Variants in CLIC5 observed in about 807,000 individuals in gnomAD.
The protein encoded by CLIC5 is chloride intracellular channel protein 5.
Under a neutral mutation model 24.7 loss-of-function variants are expected in CLIC5, and 20 were observed. The ratio of observed to expected loss-of-function variants is 0.81; its 90% confidence interval spans 0.57 to 1.18. The LOEUF is 1.18. CLIC5 is among the 50% of genes most tolerant of loss of function. CLIC5 has a pLI of 0.00. For missense variants in CLIC5, 341 were observed against 326.1 expected (o/e 1.05, Z -0.35); for synonymous variants, 159 against 135.6 (o/e 1.17, Z -1.20).
chr6:45,921,858 C>T (rs1408604469), intron 4 of CLIC5, among the ~76,000 whole-genome samples: 1 of 152,170 alleles, frequency 6.6e-6, no homozygotes, highest in Non-Finnish European at 1.5e-5. Flanking sequence ...TTCATGTCCA[C>T]CTTTGGCACT....
At chr6:46,026,395 C>T (rs577696341) in intron 1 of CLIC5, among the ~76,000 whole-genome samples, 25 of 152,214 alleles carry the variant, frequency 1.6e-4, no homozygotes, top group Admixed American at 1.6e-3. Flanking sequence ...CCTAGTGAGG[C>T]AGACACAGAG....
upstream of CLIC5, among the ~76,000 whole-genome samples, chr6:46,084,304 T>C (rs1215209420): frequency 1.3e-5 from 2 of 152,168 alleles, no homozygotes; most frequent in African/African-American, 2.4e-5. Context: ...ATGTGTGAAT[T>C]TGATCCTGTC....
At chr6:45,946,480 A>G (rs1166452893) in intron 3 of CLIC5, among the ~76,000 whole-genome samples, 1 of 152,238 alleles carries the variant, frequency 6.6e-6, no homozygotes, top group African/African-American at 2.4e-5. Context: ...AAAGCCTCCC[A>G]TAATGTGTTG....
intron 4 of CLIC5, among the ~76,000 whole-genome samples, chr6:45,922,273 G>A (rs931933953): frequency 2.6e-5 from 4 of 152,158 alleles, no homozygotes; most frequent in African/African-American, 9.7e-5. Flanking sequence ...TACAATTATG[G>A]TGGGTTGGGA....
At chr6:45,974,520 TATAGAG>T (rs1441960225) in intron 1 of CLIC5, among the ~76,000 whole-genome samples, 629 of 66,820 alleles carry the variant, frequency 9.4e-3, no homozygotes, top group South Asian at 0.021. Flanking sequence ...TATATATATA[TATAGAG>T]AGAGAGAGAG....
chr6:46,020,006 T>C (rs904909300), upstream of CLIC5, among the ~76,000 whole-genome samples: 13 of 151,992 alleles, frequency 8.6e-5, no homozygotes, highest in Non-Finnish European at 1.8e-4. Flanking sequence ...TGGTAATTTA[T>C]AGCACAAGTA....
intron 4 of CLIC5, among the ~76,000 whole-genome samples, chr6:45,916,076 C>A (rs1265850150): frequency 6.6e-6 from 1 of 152,198 alleles, no homozygotes; most frequent in Non-Finnish European, 1.5e-5. Flanking sequence ...CTCTCATAAC[C>A]CACTTTTTGT....
intron 1 of CLIC5, among the ~76,000 whole-genome samples, chr6:46,040,526 G>A (rs1767777990): frequency 6.6e-6 from 1 of 152,014 alleles, no homozygotes. Flanking sequence ...GAATGATGAT[G>A]GTGATGTGGT....
chr6:45,950,670 A>G (rs1464735777), intron 2 of CLIC5, among the ~76,000 whole-genome samples: 2 of 152,158 alleles, frequency 1.3e-5, no homozygotes, highest in African/African-American at 4.8e-5. Context: ...AATTGGTAAA[A>G]ACTTCAATCC....
chr6:45,894,303 A>G (rs1238737044), downstream of CLIC5, among the ~76,000 whole-genome samples: 2 of 152,212 alleles, frequency 1.3e-5, no homozygotes, highest in Non-Finnish European at 2.9e-5. Context: ...AGAGCCTTAC[A>G]ATAGGTGCGC....
At chr6:46,127,430 A>G in the CLIC5 span, among the ~76,000 whole-genome samples, 13 of 152,332 alleles carry the variant, frequency 8.5e-5, no homozygotes, top group East Asian at 2.5e-3. Flanking sequence ...TCTCTAACAT[A>G]AAATGGGTTT....
intron 1 of CLIC5, among the ~76,000 whole-genome samples, chr6:46,078,685 T>C (rs998322827): frequency 5.3e-5 from 8 of 152,220 alleles, no homozygotes; most frequent in African/African-American, 1.9e-4. Context: ...AATGTGTGTC[T>C]GGTATGTATG....
intron 1 of CLIC5, among the ~76,000 whole-genome samples, chr6:45,974,934 A>G (rs1446925926): frequency 6.6e-6 from 1 of 152,180 alleles, no homozygotes; most frequent in Non-Finnish European, 1.5e-5. Flanking sequence ...TTTGCCTCAA[A>G]GTGAATTTCC....
At chr6:45,973,080 A>T (rs1765255933) in intron 1 of CLIC5, among the ~76,000 whole-genome samples, 2 of 152,172 alleles carry the variant, frequency 1.3e-5, no homozygotes, top group Admixed American at 1.3e-4. Flanking sequence ...TAAATTATTT[A>T]TTGAAATTCC....
At chr6:46,047,289 G>T (rs893333382) in intron 1 of CLIC5, among the ~76,000 whole-genome samples, 33 of 152,150 alleles carry the variant, frequency 2.2e-4, no homozygotes, top group African/African-American at 8.0e-4. Flanking sequence ...TTACATTATT[G>T]TTAACCATCA....
At chr6:46,056,373 A>G (rs1192621220) in intron 1 of CLIC5, among the ~76,000 whole-genome samples, 1 of 152,180 alleles carries the variant, frequency 6.6e-6, no homozygotes, top group Non-Finnish European at 1.5e-5. Context: ...CCCTCCTTGC[A>G]GAGGCAGCCC....
rs1766979579 is a variant in CLIC5, at chr6:46,015,715, G to A, written c.-173C>T. On this transcript the variant is annotated 5_prime_UTR_variant, in exon 1 of 6. Transcript: ENST00000339561. ...CCGAGCAGCGGGGTCTGAGAGATCA[G>A]TGTCCCAGATGCTCACATGAAAAGG... 1 of 1,266,888 alleles carries A rather than the reference G, an allele frequency of 7.9e-7. No homozygotes were observed. The highest frequency in any genetic ancestry group is 1.0e-6 in the Non-Finnish European group (1 of 1,004,812). The allele number at this position is 1,266,888 out of a possible 1,614,324, so 78.5% of individuals were successfully genotyped here.
chr6:46,009,461 G>A (rs551267351), intron 1 of CLIC5, among the ~76,000 whole-genome samples: 1 of 152,128 alleles, frequency 6.6e-6, no homozygotes, highest in African/African-American at 2.4e-5. Flanking sequence ...GACACCCTGG[G>A]TAGAGAGAGT....
At chr6:46,008,529 GTCT>G (rs916012249) in intron 1 of CLIC5, among the ~76,000 whole-genome samples, 1 of 152,156 alleles carries the variant, frequency 6.6e-6, no homozygotes, top group Non-Finnish European at 1.5e-5. Context: ...ACTGGAGCCT[GTCT>G]TCTTCTCTGA....
Sources: allele counts gnomAD v4.1 joint callset (sites outside exome capture counted in the v4.1 genomes callset), GRCh38; gene constraint gnomAD v4.1.1; transcripts MANE v1.5; gene names NCBI Gene and HGNC (gene_info 2026-07-23, HGNC 2026-07-21).